Variants in PCDHAC1 observed in about 807,000 individuals in gnomAD.
The protein encoded by PCDHAC1 is protocadherin alpha-C1.
In PCDHAC1, 42 loss-of-function variants were observed where a neutral mutation model predicts 60.0. The ratio of observed to expected loss-of-function variants is 0.70; its 90% confidence interval spans 0.55 to 0.90. The LOEUF (loss-of-function observed/expected upper bound fraction) is 0.90. Among genes scored for constraint, PCDHAC1 ranks in the 40% least tolerant of loss-of-function variants. The pLI, the probability that PCDHAC1 is intolerant of heterozygous loss-of-function variation, is 0.00. For missense variants in PCDHAC1, 1,160 were observed against 1,222.3 expected (o/e 0.95, Z 0.76); for synonymous variants, 468 against 499.3 (o/e 0.94, Z 0.84).
chr5:140,955,440 G>A (rs1332391978), intron 1 of PCDHAC1, among the ~76,000 whole-genome samples: 3 of 152,022 alleles, frequency 2.0e-5, no homozygotes, highest in Admixed American at 2.0e-4. Context: ...TAGGTCTGAT[G>A]GTTTTATAAG....
rs17844361 is a variant in PCDHAC1, at chr5:140,927,747, C to T, written c.855C>T (p.His285=). ...AAGCAGAGCTGCGACACCGCTTTCA[C>T]GTGCACCCTAAAAGTGGGGAGGTGC... ...STQAELRHRF[H]VHPKSGEVQV... The change falls in exon 1 of 4, where the codon CAC becomes CAT. Residue 285 remains histidine (H), a synonymous_variant. Coordinates refer to ENST00000253807, the MANE Select transcript of PCDHAC1 (RefSeq NM_018898.5). 465 of 1,614,224 alleles carry T rather than the reference C, an allele frequency of 2.9e-4. No homozygotes were observed. In the East Asian group the frequency reaches 8.6e-3, roughly 30 times the overall value.
Position 140,926,537 on chromosome 5 carries a change from T to C in PCDHAC1, c.-356T>C, listed in dbSNP as rs1584447910. 9.5e-6 allele frequency: 2 copies of C among 211,572 alleles called. No individual in the cohort carries two copies. Among genetic ancestry groups the C allele is most frequent in the African/African-American group, 2.3e-5 (1 of 43,642 alleles). 13.1% of individuals were successfully genotyped at this position (211,572 alleles called of 1,614,324 possible). A position where few individuals can be genotyped will look rare whatever the true frequency, so the allele number is the denominator to read the frequency against. ...CTCCGCCCTGCGCCCGCAGCCAGCG[T>C]GGTGGTCGAGACCCCAGCCCGCTGC... On this transcript the variant is annotated 5_prime_UTR_variant, in exon 1 of 4. Coordinates refer to ENST00000253807, the MANE Select transcript of PCDHAC1 (RefSeq NM_018898.5).
intron 1 of PCDHAC1, among the ~76,000 whole-genome samples, chr5:140,975,647 T>G (rs1563441442): frequency 6.6e-6 from 1 of 152,254 alleles, no homozygotes; most frequent in Non-Finnish European, 1.5e-5. Flanking sequence ...GCATATTATT[T>G]CATTGAGTAG....
chr5:140,927,964 G>A lies in PCDHAC1; in HGVS notation c.1072G>A (p.Val358Met). ...PVPEDAAPGTVIALFSVKDED... is the reference protein window; with the variant it reads ...PVPEDAAPGTMIALFSVKDED... ...ACCTGAGGACGCTGCCCCTGGCACA[G>A]TGATTGCTCTCTTTAGTGTAAAGGA... Residue 358 changes from valine to methionine, a missense_variant, in exon 1 of 4, where the codon GTG becomes ATG. Around this residue, in one of 3 missense-constraint regions of PCDHAC1, gnomAD observed 1,113 missense variants for 1,163.7 expected, o/e 0.96. Transcript: ENST00000253807. 6.2e-7 allele frequency: 1 copy of A among 1,614,230 alleles called. No individual in the cohort carries two copies. The highest frequency in any genetic ancestry group is 1.1e-5 in the South Asian group (1 of 91,078).
At chr5:140,973,720 A>G (rs781883210) in intron 1 of PCDHAC1, among the ~76,000 whole-genome samples, 1 of 152,194 alleles carries the variant, frequency 6.6e-6, no homozygotes, top group Non-Finnish European at 1.5e-5. Flanking sequence ...GAGCCATCAC[A>G]TGGGCATCTG....
At chr5:140,952,338 CAA>C (rs55931446) in intron 1 of PCDHAC1, among the ~76,000 whole-genome samples, 119 of 135,000 alleles carry the variant, frequency 8.8e-4, no homozygotes, top group Admixed American at 1.8e-3. Flanking sequence ...AACTCCATCT[CAA>C]AAAAAAAAAA....
At chr5:140,980,897 A>G (rs2096910436) in intron 2 of PCDHAC1, among the ~76,000 whole-genome samples, 1 of 152,186 alleles carries the variant, frequency 6.6e-6, no homozygotes, top group African/African-American at 2.4e-5. Context: ...AGTCTTGGAC[A>G]TCATGTAACT....
Position 140,928,551 on chromosome 5 carries a change from G to C in PCDHAC1, c.1659G>C (p.Pro553=). 6.2e-7 allele frequency: 1 copy of C among 1,614,164 alleles called. No individual in the cohort carries two copies. Among genetic ancestry groups the C allele is most frequent in the Non-Finnish European group, 8.5e-7 (1 of 1,180,028 alleles). The change falls in exon 1 of 4, where the codon CCG becomes CCC. Residue 553 remains proline, a synonymous_variant. Transcript: ENST00000253807. ...TGGTAGATAGGAATGACAATTATCC[G>C]GTTATCTTGTTTCCCTTGCCCAGAA... ...LFVVDRNDNY[P]VILFPLPRNG... is the part of the protein sequence containing the mutation.
At chr5:140,984,157 C>G (rs1187103463) in intron 3 of PCDHAC1, among the ~76,000 whole-genome samples, 1 of 152,228 alleles carries the variant, frequency 6.6e-6, no homozygotes, top group Non-Finnish European at 1.5e-5. Flanking sequence ...AAGGTGAGAA[C>G]TTCCCAAAGA....
chr5:140,944,316 T>C lies in PCDHAC1; in HGVS notation c.2433+14991T>C, dbSNP rs140163712. On this transcript the variant is annotated intron_variant, in intron 1 of 3. Coordinates refer to ENST00000253807, the MANE Select transcript of PCDHAC1 (RefSeq NM_018898.5). ...GATCCTCCTACCTCAGCCTCCTGAG[T>C]AGCTGGGATTACAAGCACGTGCCAC... 4.3e-3 allele frequency among the ~76,000 whole-genome samples: 654 copies of C among 152,070 alleles called. 5 individuals carry two copies. The highest frequency in any genetic ancestry group is 5.5e-3 in the Non-Finnish European group (376 of 67,970).
intron 1 of PCDHAC1, among the ~76,000 whole-genome samples, chr5:140,959,126 G>A (rs1417334893): frequency 6.6e-6 from 1 of 152,066 alleles, no homozygotes; most frequent in Non-Finnish European, 1.5e-5. Context: ...GGCGAGGTGA[G>A]CCCACTTTGG....
chr5:140,967,508 C>G (rs2096150874), intron 1 of PCDHAC1: 2 of 1,612,712 alleles, frequency 1.2e-6, no homozygotes, highest in Non-Finnish European at 1.7e-6. Flanking sequence ...TGTGCGTGTC[C>G]TGGACACTAA....
chr5:140,969,393 C>T, intron 1 of PCDHAC1: 1 of 1,590,146 alleles, frequency 6.3e-7, no homozygotes. Flanking sequence ...CCCCCAATAT[C>T]CTGTGATTTG....
chr5:141,008,872 A>C (rs1174901625), intron 3 of PCDHAC1, among the ~76,000 whole-genome samples: 1 of 152,140 alleles, frequency 6.6e-6, no homozygotes, highest in Non-Finnish European at 1.5e-5. Context: ...GCTGCATCCC[A>C]CCACCCTTCA....
At chr5:140,990,742 G>A (rs947618929) in intron 3 of PCDHAC1, among the ~76,000 whole-genome samples, 2 of 152,176 alleles carry the variant, frequency 1.3e-5, no homozygotes, top group African/African-American at 4.8e-5. Context: ...CAGCCCTAGG[G>A]TGGATACCTT....
At chr5:140,982,127 C>G (rs1367393953) in intron 2 of PCDHAC1, among the ~76,000 whole-genome samples, 1 of 152,244 alleles carries the variant, frequency 6.6e-6, no homozygotes, top group Non-Finnish European at 1.5e-5. Flanking sequence ...CTTTTGAGAA[C>G]AAGCCCTCCT....
rs1311209449 is a variant in PCDHAC1, at chr5:141,010,944, A to G, written c.*1007A>G. On this transcript the variant is annotated 3_prime_UTR_variant, in exon 4 of 4. Transcript: ENST00000253807. ...GAGAATTCAGTCTACAGCCATTTAA[A>G]TGATCATTGCTGCTACAGAAGTGCT... 6.5e-6 allele frequency: 1 copy of G among 153,776 alleles called. No individual in the cohort carries two copies. The highest frequency in any genetic ancestry group is 2.4e-5 in the African/African-American group (1 of 41,450). 9.5% of individuals were successfully genotyped at this position (153,776 alleles called of 1,614,324 possible).
At chr5:140,958,547 A>C (rs528303266) in intron 1 of PCDHAC1, among the ~76,000 whole-genome samples, 3 of 152,308 alleles carry the variant, frequency 2.0e-5, no homozygotes, top group East Asian at 3.9e-4. Flanking sequence ...TTTATGAACC[A>C]ATAAATGTTT....
intron 3 of PCDHAC1, among the ~76,000 whole-genome samples, chr5:140,985,892 A>G (rs2097176300): frequency 1.3e-5 from 2 of 151,830 alleles, no homozygotes; most frequent in Non-Finnish European, 2.9e-5. Flanking sequence ...GGCGCCCGCC[A>G]CCACTCCCGT....
Sources: allele counts gnomAD v4.1 joint callset (sites outside exome capture counted in the v4.1 genomes callset), GRCh38; gene constraint gnomAD v4.1.1; regional missense constraint gnomAD v4.1.1; transcripts MANE v1.5; gene names NCBI Gene and HGNC (gene_info 2026-07-23, HGNC 2026-07-21).